The following SCHIP1 variants were observed in gnomAD, a reference collection of about 807,000 sequenced individuals.
SCHIP1 encodes schwannomin interacting protein 1.
Under a neutral mutation model 29.7 loss-of-function variants are expected in SCHIP1, and 8 were observed. The ratio of observed to expected loss-of-function variants is 0.27; its 90% CI spans 0.16 to 0.49. The LOEUF (loss-of-function observed/expected upper bound fraction) is 0.49. Ranked by LOEUF, SCHIP1 falls within the 20% of genes least tolerant of loss-of-function variation. The pLI is 0.99. For missense variants in SCHIP1, 193 were observed against 294.6 expected, an observed-to-expected ratio of 0.66 and a Z score of 2.52; for synonymous variants, 76 against 94.9, an observed-to-expected ratio of 0.80 and a Z score of 1.16.
chr3:159,318,094 A>G, the SCHIP1 span, among the ~76,000 whole-genome samples: 1 of 152,116 alleles, frequency 6.6e-6, no homozygotes, highest in African/African-American at 2.4e-5. Flanking sequence ...CATCCCTGCC[A>G]CCATGGCCAC....
chr3:159,758,211 G>C, the SCHIP1 span, among the ~76,000 whole-genome samples: 12 of 152,128 alleles, frequency 7.9e-5, no homozygotes, highest in Non-Finnish European at 1.0e-4. Flanking sequence ...GGAATGCAGT[G>C]GCGCAATCTT....
chr3:159,465,735 G>A, the SCHIP1 span, among the ~76,000 whole-genome samples: 1 of 152,038 alleles, frequency 6.6e-6, no homozygotes, highest in Non-Finnish European at 1.5e-5. Context: ...TAATTCTAAG[G>A]CATCTTTCTT....
the SCHIP1 span, among the ~76,000 whole-genome samples, chr3:159,289,277 A>G: frequency 6.6e-6 from 1 of 152,200 alleles, no homozygotes; most frequent in Non-Finnish European, 1.5e-5. Flanking sequence ...CAGTAGCATC[A>G]AATTTCCCTT....
At chr3:159,584,384 C>T in the SCHIP1 span, among the ~76,000 whole-genome samples, 2 of 152,152 alleles carry the variant, frequency 1.3e-5, no homozygotes, top group Non-Finnish European at 2.9e-5. Flanking sequence ...TGCTATTTAA[C>T]GTTATCTTTC....
the SCHIP1 span, among the ~76,000 whole-genome samples, chr3:159,550,596 T>C: frequency 1.4e-4 from 21 of 152,164 alleles, no homozygotes; most frequent in Admixed American, 2.6e-4. Flanking sequence ...AAGTGTTCTG[T>C]TTCCTTATAT....
the SCHIP1 span, among the ~76,000 whole-genome samples, chr3:159,299,717 A>T: frequency 6.6e-6 from 1 of 152,078 alleles, no homozygotes; most frequent in Non-Finnish European, 1.5e-5. Flanking sequence ...CAATGATCCC[A>T]CACTGTCTGC....
the SCHIP1 span, among the ~76,000 whole-genome samples, chr3:159,591,109 AC>A: frequency 1.3e-5 from 2 of 152,044 alleles, no homozygotes; most frequent in Non-Finnish European, 2.9e-5. Flanking sequence ...CCTAGTAAAG[AC>A]CCCCAAATGA....
the SCHIP1 span, among the ~76,000 whole-genome samples, chr3:159,581,322 C>G: frequency 2.5e-3 from 374 of 152,252 alleles, 3 homozygotes; most frequent in African/African-American, 8.4e-3. Flanking sequence ...GCTGAAGAAG[C>G]TGGCAACCAA....
chr3:159,801,284 C>T, the SCHIP1 span, among the ~76,000 whole-genome samples: 1 of 152,086 alleles, frequency 6.6e-6, no homozygotes, highest in Non-Finnish European at 1.5e-5. Flanking sequence ...TGTTGTTTCT[C>T]TAAGGGGAGA....
chr3:159,598,411 G>T, the SCHIP1 span, among the ~76,000 whole-genome samples: 3 of 152,166 alleles, frequency 2.0e-5, no homozygotes, highest in African/African-American at 7.2e-5. Context: ...TTGGATAAAT[G>T]CTCCTGTTCC....
At chr3:159,586,975 A>T in the SCHIP1 span, among the ~76,000 whole-genome samples, 1 of 152,152 alleles carries the variant, frequency 6.6e-6, no homozygotes, top group Non-Finnish European at 1.5e-5. Flanking sequence ...CAGCAGAGAG[A>T]GGAAGCTTCT....
At chr3:159,469,137 A>G in the SCHIP1 span, among the ~76,000 whole-genome samples, 1 of 152,086 alleles carries the variant, frequency 6.6e-6, no homozygotes, top group African/African-American at 2.4e-5. Context: ...CACAAGACCA[A>G]TTTTAGGACT....
At chr3:159,507,690 T>C in the SCHIP1 span, among the ~76,000 whole-genome samples, 6 of 152,332 alleles carry the variant, frequency 3.9e-5, no homozygotes, top group African/African-American at 1.4e-4. Flanking sequence ...TTGTTGAATT[T>C]TGTCAAAGGC....
At chr3:159,731,711 G>A in the SCHIP1 span, among the ~76,000 whole-genome samples, 1 of 152,220 alleles carries the variant, frequency 6.6e-6, no homozygotes, top group East Asian at 1.9e-4. Flanking sequence ...CTGTCTCAAG[G>A]AAGCCAAACC....
the SCHIP1 span, among the ~76,000 whole-genome samples, chr3:159,406,586 A>G: frequency 1.3e-5 from 2 of 152,234 alleles, no homozygotes; most frequent in South Asian, 4.1e-4. Context: ...AGAAACACAC[A>G]GAATATTCTA....
chr3:159,488,223 T>C, the SCHIP1 span, among the ~76,000 whole-genome samples: 1 of 151,834 alleles, frequency 6.6e-6, no homozygotes, highest in Non-Finnish European at 1.5e-5. Context: ...GGATGGTTAA[T>C]GGACACACAA....
intron 2 of SCHIP1, among the ~76,000 whole-genome samples, chr3:159,875,469 G>A (rs1211886418): frequency 6.6e-6 from 1 of 152,152 alleles, no homozygotes; most frequent in Non-Finnish European, 1.5e-5. Context: ...TTTAAAAATG[G>A]CTCTAGTAGA....
the SCHIP1 span, among the ~76,000 whole-genome samples, chr3:159,720,053 A>G: frequency 6.6e-6 from 1 of 152,186 alleles, no homozygotes; most frequent in Non-Finnish European, 1.5e-5. Flanking sequence ...ATGCAGCCAT[A>G]AAAAGTGAGT....
the SCHIP1 span, among the ~76,000 whole-genome samples, chr3:159,773,917 G>A: frequency 6.6e-6 from 1 of 152,146 alleles, no homozygotes; most frequent in African/African-American, 2.4e-5. Context: ...AGTATTTGTG[G>A]GGTTCAGAAG....
Sources: allele counts gnomAD v4.1 joint callset (sites outside exome capture counted in the v4.1 genomes callset), GRCh38; gene constraint gnomAD v4.1.1; transcripts MANE v1.5; gene names NCBI Gene and HGNC (gene_info 2026-07-23, HGNC 2026-07-21).